The following ABTB2 variants were observed in gnomAD, a reference collection of about 807,000 sequenced individuals.
The protein encoded by ABTB2 is ankyrin repeat and BTB/POZ domain-containing protein 2.
A neutral mutation model predicts 104.1 loss-of-function variants in ABTB2; 56 were observed. The observed-to-expected ratio is 0.54, with a 90% CI of 0.43 to 0.67. ABTB2 has a LOEUF of 0.67. Among genes scored for constraint, ABTB2 ranks in the 30% least tolerant of loss-of-function variants. The pLI, the probability that ABTB2 is intolerant of heterozygous loss-of-function variation, is 0.00. For synonymous variants in ABTB2, 606 were observed against 608.2 expected (o/e 1.00, Z 0.05); for missense variants, 1,279 against 1,407.7 (o/e 0.91, Z 1.46).
intron 1 of ABTB2, among the ~76,000 whole-genome samples, chr11:34,266,240 G>C (rs1280277217): frequency 6.6e-6 from 1 of 152,056 alleles, no homozygotes; most frequent in Admixed American, 6.6e-5. Flanking sequence ...ATGCCACCAT[G>C]CCTAGCAAAT....
At position 34,160,944 on chromosome 11, in the gene ABTB2, C is replaced by G. The variant is rs558739112; in HGVS notation, c.2356G>C (p.Glu786Gln). 1 of 1,612,700 alleles carries G rather than the reference C, an allele frequency of 6.2e-7. No homozygotes were observed. Among genetic ancestry groups the G allele is most frequent in the Non-Finnish European group, 8.5e-7 (1 of 1,179,292 alleles). Residue 786 changes from glutamate to glutamine, a missense_variant, in exon 11 of 17, where the codon GAG becomes CAG. Physicochemically the swap from Glu to Gln is conservative, Grantham distance 29 (BLOSUM62 2). Coordinates refer to ENST00000435224, the MANE Select transcript of ABTB2 (RefSeq NM_145804.3). ...ATGTCGAACATGAGCTGCAAGCCCT[C>G]GGTCACCAGCTCCTCGTTGTACTCC... Reference protein sequence around the residue: ...EEEYNEELVTEGLQLMFDILK... With the variant: ...EEEYNEELVTQGLQLMFDILK...
In ABTB2 at chr11:34,278,083, G is replaced by A. The variant is rs187096042; in HGVS notation, c.884-73393C>T. ...CTGCCAAAGTGCTGGGATTACAGGC[G>A]TGAGCCACTGCGCCTGGCTCAGATT... On this transcript the variant is annotated intron_variant, in intron 1 of 16. Transcript: ENST00000435224. 9.2e-4 allele frequency among the ~76,000 whole-genome samples: 140 copies of A among 151,966 alleles called. 1 individual carries two copies. Among genetic ancestry groups the A allele is most frequent in the African/African-American group, 3.3e-3 (135 of 41,458 alleles).
chr11:34,342,130 T>C (rs78566186), intron 1 of ABTB2, among the ~76,000 whole-genome samples: 2,107 of 152,318 alleles, frequency 0.014, 57 homozygotes, highest in African/African-American at 0.048. Flanking sequence ...CCAAACATTC[T>C]TCCTCTTGAG....
At chr11:34,241,671 C>T (rs1321867447) in intron 1 of ABTB2, among the ~76,000 whole-genome samples, 1 of 152,180 alleles carries the variant, frequency 6.6e-6, no homozygotes, top group African/African-American at 2.4e-5. Context: ...GCAGGAGGAT[C>T]GCTTGAGCCC....
intron 1 of ABTB2, among the ~76,000 whole-genome samples, chr11:34,323,892 A>C (rs1370757791): frequency 2.0e-5 from 3 of 149,332 alleles, no homozygotes; most frequent in South Asian, 2.1e-4. Context: ...ACTTTACATC[A>C]ACGTAAATTC....
At position 34,317,221 on chromosome 11, in the gene ABTB2, G is replaced by A. The variant is rs148636089; in HGVS notation, c.883+39480C>T. Among the ~76,000 whole-genome samples, 684 of 152,300 alleles carry A rather than the reference G, an allele frequency of 4.5e-3. 3 individuals carry two copies. Among genetic ancestry groups the A allele is most frequent in the African/African-American group, 0.016 (652 of 41,554 alleles). Reference sequence around the variant, plus strand: ...TGCCATCTGTTTATATTCTAGATATGCCTGATGAGCCTGGCTTAGGCAATC... The same window carrying A: ...TGCCATCTGTTTATATTCTAGATATACCTGATGAGCCTGGCTTAGGCAATC... On this transcript the variant is annotated intron_variant, in intron 1 of 16. Coordinates refer to ENST00000435224, the MANE Select transcript of ABTB2 (RefSeq NM_145804.3).
Position 34,287,105 on chromosome 11 carries a change from G to A in ABTB2, c.883+69596C>T, listed in dbSNP as rs116877312. Among the ~76,000 whole-genome samples, 1,085 of 151,818 alleles carry A rather than the reference G, an allele frequency of 7.1e-3. 22 individuals carry two copies. The highest frequency in any genetic ancestry group is 6.4e-3 in the Non-Finnish European group (436 of 67,982). Reference sequence around the variant, plus strand: ...CTCATGCCTGTAATCCCAGCACTTCGGGAGGCTGAGGTGGGAAGACTGCTT... The same window carrying A: ...CTCATGCCTGTAATCCCAGCACTTCAGGAGGCTGAGGTGGGAAGACTGCTT... On this transcript the variant is annotated intron_variant, in intron 1 of 16. Transcript: ENST00000435224.
At chr11:34,245,487 C>A (rs1015004003) in intron 1 of ABTB2, among the ~76,000 whole-genome samples, 1 of 152,236 alleles carries the variant, frequency 6.6e-6, no homozygotes, top group African/African-American at 2.4e-5. Flanking sequence ...AGGCCTAATT[C>A]TCAATTATCT....
At chr11:34,321,825 T>A (rs920658996) in intron 1 of ABTB2, among the ~76,000 whole-genome samples, 2 of 152,220 alleles carry the variant, frequency 1.3e-5, no homozygotes, top group Admixed American at 1.3e-4. Flanking sequence ...CCACCTAGCA[T>A]CCTTCCCTCA....
At chr11:34,210,047 C>T (rs11032552) in intron 1 of ABTB2, among the ~76,000 whole-genome samples, 27,528 of 151,980 alleles carry the variant, frequency 0.18, 2,562 homozygotes, top group East Asian at 0.26. Context: ...AGTTGCCAAC[C>T]GGGACGTGAG....
At chr11:34,309,045 T>C (rs116189563) in intron 1 of ABTB2, among the ~76,000 whole-genome samples, 373 of 152,312 alleles carry the variant, frequency 2.4e-3, no homozygotes, top group African/African-American at 8.8e-3. Flanking sequence ...TATGGTCTGA[T>C]AGGCTGAGAT....
At chr11:34,303,414 G>A (rs1854731465) in intron 1 of ABTB2, among the ~76,000 whole-genome samples, 2 of 152,110 alleles carry the variant, frequency 1.3e-5, no homozygotes, top group African/African-American at 4.8e-5. Context: ...CCACATCTAA[G>A]GCACTCTTAA....
chr11:34,278,773 C>T (rs1375144918), intron 1 of ABTB2, among the ~76,000 whole-genome samples: 1 of 152,184 alleles, frequency 6.6e-6, no homozygotes, highest in Non-Finnish European at 1.5e-5. Flanking sequence ...TCACTGGCGC[C>T]TTCATAAGAG....
At chr11:34,318,115 T>C (rs1215510839) in intron 1 of ABTB2, among the ~76,000 whole-genome samples, 4 of 152,064 alleles carry the variant, frequency 2.6e-5, no homozygotes, top group African/African-American at 7.2e-5. Flanking sequence ...TACACGCATG[T>C]GCCACCATGC....
At chr11:34,334,224 C>A (rs1472402710) in intron 1 of ABTB2, among the ~76,000 whole-genome samples, 2 of 152,140 alleles carry the variant, frequency 1.3e-5, no homozygotes, top group African/African-American at 4.8e-5. Flanking sequence ...AGGACAAAAA[C>A]AACCCTGTCT....
intron 1 of ABTB2, among the ~76,000 whole-genome samples, chr11:34,277,016 C>A (rs1418430011): frequency 6.6e-6 from 1 of 152,182 alleles, no homozygotes; most frequent in Admixed American, 6.5e-5. Flanking sequence ...ATTCTCCTGC[C>A]TCAGCCTTCT....
intron 1 of ABTB2, among the ~76,000 whole-genome samples, chr11:34,250,357 C>T (rs1378089669): frequency 6.6e-6 from 1 of 152,212 alleles, no homozygotes; most frequent in African/African-American, 2.4e-5. Context: ...GAATCATCCC[C>T]AGCACCCATG....
Position 34,154,638 on chromosome 11 carries a change from G to T in ABTB2, c.2766+63C>A. 6.5e-7 allele frequency: 1 copy of T among 1,535,688 alleles called. No homozygotes were observed. Among genetic ancestry groups the T allele is most frequent in the South Asian group, 1.1e-5 (1 of 88,568 alleles). ...GAGCCACCTTCCCTCTGAAGGGGGT[G>T]AATGGGAGACCGAGCCGCTGGGCAC... On this transcript the variant is annotated intron_variant, in intron 15 of 16. Transcript: ENST00000435224. The surrounding 1 kb of genome is among the most constrained non-coding windows in gnomAD (Gnocchi z 4.9).
rs141195691 is a variant in ABTB2 at position 34,178,048 on chromosome 11, C to A, written c.1245-4741G>T. 8.5e-5 allele frequency among the ~76,000 whole-genome samples: 13 copies of A among 152,330 alleles called. No homozygotes were observed. The East Asian group carries it at 2.5e-3, about 29-fold the overall frequency. On this transcript the variant is annotated intron_variant, in intron 3 of 16. Coordinates refer to ENST00000435224, the MANE Select transcript of ABTB2 (RefSeq NM_145804.3). ...CCAATGATTCTGTGAACCCCCAACT[C>A]CCTGCATTAAATCATCTCCTGCTTA...
Sources: allele counts gnomAD v4.1 joint callset (sites outside exome capture counted in the v4.1 genomes callset), GRCh38; gene constraint gnomAD v4.1.1; non-coding constraint Gnocchi (gnomAD v3.1); transcripts MANE v1.5; gene names NCBI Gene and HGNC (gene_info 2026-07-23, HGNC 2026-07-21).